The following MFAP1 variants were observed in gnomAD, a reference collection of about 807,000 sequenced individuals.
MFAP1 encodes microfibrillar-associated protein 1.
A neutral mutation model predicts 62.2 loss-of-function variants in MFAP1; 18 were observed. That is an observed-to-expected ratio of 0.29 (90% confidence interval 0.20 to 0.43). MFAP1 has a LOEUF of 0.43. MFAP1 is among the 20% of genes least tolerant of loss of function. The pLI is 1.00. For synonymous variants in MFAP1, 175 were observed against 180.4 expected (o/e 0.97, Z 0.24); for missense variants, 355 against 559.7 (o/e 0.63, Z 3.69).
chr15:43,809,162 T>A (rs1217193209), intron 7 of MFAP1, among the ~76,000 whole-genome samples: 1 of 152,064 alleles, frequency 6.6e-6, no homozygotes, highest in Admixed American at 6.6e-5. Flanking sequence ...TCTGTACAGA[T>A]CACTTCTCTA....
chr15:43,813,191 C>T (rs1567176555), intron 5 of MFAP1, 44 bp from the exon 6 acceptor site: 5 of 1,614,136 alleles, frequency 3.1e-6, no homozygotes, highest in Non-Finnish European at 4.2e-6. Context: ...TTACTCTCCT[C>T]AGACAAACCT....
chr15:43,815,215 T>C, intron 2 of MFAP1, 141 bp from the exon 3 acceptor site: 2 of 1,072,752 alleles, frequency 1.9e-6, no homozygotes, highest in Non-Finnish European at 2.6e-6. Flanking sequence ...GGTCTTGCTC[T>C]GTCGCCCAGG....
Position 43,814,508 on chromosome 15 carries a change from T to C in MFAP1, c.610A>G (p.Ile204Val). Residue 204 changes from isoleucine to valine, a missense_variant, in exon 4 of 9, where the codon ATT (isoleucine) becomes GTT (valine). Around this residue, in one of 6 missense-constraint regions of MFAP1, gnomAD observed 257 missense variants for 341.3 expected, o/e 0.75. Transcript: ENST00000267812. Reference protein sequence around the residue: ...EMEPRLKPVFIRKKDRVTVQE... With the variant: ...EMEPRLKPVFVRKKDRVTVQE... ...GGCTTGTGAGATACTTACTTTCGAA[T>C]GAAGACTGGCTTAAGGCGAGGCTCC... The C allele has an allele frequency of 6.2e-7, 1 of 1,607,694 alleles. No homozygotes were observed. Among genetic ancestry groups the C allele is most frequent in the Non-Finnish European group, 8.5e-7 (1 of 1,176,324 alleles).
chr15:43,814,826 A>T, intron 3 of MFAP1, 119 bp downstream of exon 3: 1 of 1,499,198 alleles, frequency 6.7e-7, no homozygotes, highest in East Asian at 2.3e-5. Flanking sequence ...ACAAACAAGG[A>T]ACATGATCAG....
Position 43,805,069 on chromosome 15 carries a change from A to G in MFAP1, c.*25T>C. The G allele has an allele frequency of 6.5e-7, 1 of 1,547,220 alleles. No homozygotes were observed. The highest frequency in any genetic ancestry group is 1.4e-5 in the African/African-American group (1 of 72,996). On this transcript the variant is annotated 3_prime_UTR_variant, in exon 9 of 9. Coordinates refer to ENST00000267812, the MANE Select transcript of MFAP1 (RefSeq NM_005926.3). ...TGCTGAGACTCCCCTTGTGTTCCAC[A>G]GTTGGAAGAATAAGCAGTTGGACCC...
chr15:43,816,547 G>C (rs2087435081), intron 2 of MFAP1, among the ~76,000 whole-genome samples: 1 of 152,086 alleles, frequency 6.6e-6, no homozygotes, highest in African/African-American at 2.4e-5. Context: ...ACCTGGCCAT[G>C]GGCACTGTTA....
chr15:43,824,409 T>C (rs1596060465), intron 1 of MFAP1, 82 bp downstream of exon 1: 9 of 1,350,414 alleles, frequency 6.7e-6, no homozygotes, highest in Non-Finnish European at 9.3e-6. Context: ...GGGGTTGGAG[T>C]GGTCTGTCCG....
At chr15:43,824,453 G>C in intron 1 of MFAP1, 38 bp downstream of exon 1, 1 of 1,610,176 alleles carries the variant, frequency 6.2e-7, no homozygotes, top group Non-Finnish European at 8.5e-7. Flanking sequence ...GCCGGAAGGG[G>C]TTAAAATTCG....
In MFAP1 at chr15:43,813,121, C is replaced by A. The variant is rs749609306; in HGVS notation, c.753G>T (p.Glu251Asp). The change falls in exon 6 of 9, where the codon GAG becomes GAT. Residue 251 changes from glutamate to aspartate, a missense_variant. By Grantham distance (45) the Glu-to-Asp change is conservative. Around this residue, in one of 6 missense-constraint regions of MFAP1, gnomAD observed 257 missense variants for 341.3 expected, o/e 0.75. Transcript: ENST00000267812. The stretch of plus-strand genomic sequence containing the variant: ...CCAGGGATCGCTTGTTCTCTTCCAG[C>A]TCTTTTTTGGTTTCCTCTTCGACAA... ...LKIVEEETKKELEENKRSLAA... is the reference protein window; with the variant it reads ...LKIVEEETKKDLEENKRSLAA... 1.9e-6 allele frequency: 3 copies of A among 1,614,058 alleles called. No individual in the cohort carries two copies. In the African/African-American group the frequency reaches 4.0e-5, roughly 22 times the overall value.
At chr15:43,814,853 T>C in intron 3 of MFAP1, 92 bp downstream of exon 3, 2 of 1,547,912 alleles carry the variant, frequency 1.3e-6, no homozygotes, top group Non-Finnish European at 1.8e-6. Flanking sequence ...GCCAAAGCAG[T>C]GATCTCATGT....
chr15:43,806,838 C>G (rs2087369265), intron 7 of MFAP1, among the ~76,000 whole-genome samples: 1 of 152,088 alleles, frequency 6.6e-6, no homozygotes, highest in Non-Finnish European at 1.5e-5. Flanking sequence ...CACCACTGCA[C>G]TCCAGCCTGG....
chr15:43,819,571 C>A (rs1359170262), intron 1 of MFAP1, among the ~76,000 whole-genome samples: 1 of 152,018 alleles, frequency 6.6e-6, no homozygotes, highest in East Asian at 1.9e-4. Flanking sequence ...CGCTCTGTTG[C>A]CCAGGCTGCA....
At chr15:43,813,514 T>C (rs1255806225) in intron 4 of MFAP1, among the ~76,000 whole-genome samples, 157 bp from the exon 5 acceptor site, 1 of 148,048 alleles carries the variant, frequency 6.8e-6, no homozygotes, top group East Asian at 2.0e-4. Context: ...AGGTCTTTTT[T>C]TTTTTTTTTT....
chr15:43,819,222 C>CA (rs927864642), intron 1 of MFAP1, among the ~76,000 whole-genome samples: 32 of 149,460 alleles, frequency 2.1e-4, no homozygotes, highest in Admixed American at 4.7e-4. Flanking sequence ...AACAAAATTC[C>CA]AAAAAAAAAT....
chr15:43,822,161 T>C (rs957822857), intron 1 of MFAP1, among the ~76,000 whole-genome samples: 3 of 149,286 alleles, frequency 2.0e-5, no homozygotes, highest in African/African-American at 5.0e-5. Context: ...GATGGAGCCA[T>C]TGCACTCCAG....
intron 6 of MFAP1, among the ~76,000 whole-genome samples, chr15:43,811,908 G>A (rs529354727): frequency 6.6e-6 from 1 of 151,964 alleles, no homozygotes; most frequent in Admixed American, 6.6e-5. Flanking sequence ...GATTCTGCTG[G>A]GGCCGGGCAT....
chr15:43,808,348 G>T (rs2087378492), intron 7 of MFAP1, among the ~76,000 whole-genome samples: 1 of 152,098 alleles, frequency 6.6e-6, no homozygotes, highest in African/African-American at 2.4e-5. Context: ...GACACTACAG[G>T]CACGGACCAC....
Position 43,814,556 on chromosome 15 carries a change from A to C in MFAP1, c.562T>G (p.Tyr188Asp). The change falls in exon 4 of 9, where the codon TAC becomes GAC. Residue 188 changes from tyrosine to aspartate, a missense_variant. Physicochemically the swap from Tyr to Asp is radical, Grantham distance 160. Around this residue, in one of 6 missense-constraint regions of MFAP1, gnomAD observed 257 missense variants for 341.3 expected, o/e 0.75. Transcript: ENST00000267812. ...ESESESEYEE[Y>D]TDSEDEMEPR... Reference sequence around the variant, plus strand: ...TCCATCTCATCTTCACTGTCTGTGTACTCTTCATACTCAGACTCTGATTCT... The same window carrying C: ...TCCATCTCATCTTCACTGTCTGTGTCCTCTTCATACTCAGACTCTGATTCT... The C allele has an allele frequency of 6.2e-7, 1 of 1,613,928 alleles. No homozygotes were observed.
intron 4 of MFAP1, 23 bp from the exon 5 acceptor site, chr15:43,813,380 A>G: frequency 6.3e-7 from 1 of 1,595,290 alleles, no homozygotes; most frequent in East Asian, 2.2e-5. Context: ...GATCCTGTTA[A>G]TTGCCCAAAG....
Sources: allele counts gnomAD v4.1 joint callset (sites outside exome capture counted in the v4.1 genomes callset), GRCh38; gene constraint gnomAD v4.1.1; regional missense constraint gnomAD v4.1.1; transcripts MANE v1.5; gene names NCBI Gene and HGNC (gene_info 2026-07-23, HGNC 2026-07-21).